The following ATP6V1C2 variants were observed in gnomAD, a reference collection of about 807,000 sequenced individuals.
ATP6V1C2 encodes ATPase H+ transporting V1 subunit C2, also known as V-type proton ATPase subunit C 2.
A neutral mutation model predicts 56.8 loss-of-function variants in ATP6V1C2; 45 were observed. The ratio of observed to expected loss-of-function variants is 0.79; its 90% CI spans 0.62 to 1.02. The LOEUF (loss-of-function observed/expected upper bound fraction) is 1.02, where lower values mean the gene tolerates loss of function less well. ATP6V1C2 is among the 50% of genes least tolerant of loss of function. The pLI, the probability that ATP6V1C2 is intolerant of heterozygous loss-of-function variation, is 0.00. For synonymous variants in ATP6V1C2, 220 were observed against 201.3 expected, an observed-to-expected ratio of 1.09 and a Z score of -0.79; for missense variants, 463 against 519.7, an observed-to-expected ratio of 0.89 and a Z score of 1.06.
intron 3 of ATP6V1C2, among the ~76,000 whole-genome samples, chr2:10,742,279 A>C (rs897567275): frequency 6.6e-6 from 1 of 152,160 alleles, no homozygotes; most frequent in Non-Finnish European, 1.5e-5. Context: ...AAATCCAGGG[A>C]GGGAGAAAGC....
chr2:10,752,157 C>T (rs1032081226), intron 3 of ATP6V1C2, among the ~76,000 whole-genome samples: 1 of 152,100 alleles, frequency 6.6e-6, no homozygotes, highest in African/African-American at 2.4e-5. Context: ...AAATGTGTTC[C>T]CTCTTGGGTG....
At chr2:10,726,678 T>G in intron 3 of ATP6V1C2, 109 bp downstream of exon 3, 1 of 1,040,262 alleles carries the variant, frequency 9.6e-7, no homozygotes, top group Non-Finnish European at 1.5e-6. Flanking sequence ...CTAGACCTGG[T>G]TCCAAAAGTG....
chr2:10,726,358 A>G, intron 2 of ATP6V1C2, 144 bp from the exon 3 acceptor site: 1 of 682,996 alleles, frequency 1.5e-6, no homozygotes, highest in Non-Finnish European at 2.6e-6. Context: ...GTTTCCATTA[A>G]GAGTTTTTTC....
rs369946776 is a variant in ATP6V1C2, at chr2:10,768,760, C to T, written c.420C>T (p.Ala140=). Residue 140 remains alanine (A), a synonymous_variant, in exon 6 of 14, where the codon GCC becomes GCT. Coordinates refer to ENST00000272238, the MANE Select transcript of ATP6V1C2 (RefSeq NM_001039362.2). The part of the protein sequence containing the change: ...QIEMDLKSRT[A]AYNTLKTNLE... Reference sequence around the variant, plus strand: ...AGATGGACCTGAAGTCCCGAACGGCCGCCTACAACACTCTGAAGACAAACC... The same window carrying T: ...AGATGGACCTGAAGTCCCGAACGGCTGCCTACAACACTCTGAAGACAAACC... 72 of 1,614,000 alleles carry T rather than the reference C, an allele frequency of 4.5e-5. No homozygotes were observed. Among genetic ancestry groups the T allele is most frequent in the Middle Eastern group, 1.6e-4 (1 of 6,062 alleles).
intron 13 of ATP6V1C2, 46 bp from the exon 14 acceptor site, chr2:10,783,128 G>GAAACT: frequency 6.8e-7 from 1 of 1,475,818 alleles, no homozygotes; most frequent in South Asian, 1.1e-5. Context: ...GATAAGACAG[G>GAAACT]AAACTAGTTT....
intron 10 of ATP6V1C2, among the ~76,000 whole-genome samples, chr2:10,776,281 G>A (rs1664972671): frequency 1.4e-5 from 2 of 141,098 alleles, no homozygotes; most frequent in Non-Finnish European, 3.1e-5. Flanking sequence ...GTGTGTGTGT[G>A]CGCGCGCACG....
intron 4 of ATP6V1C2, among the ~76,000 whole-genome samples, chr2:10,757,816 T>A (rs114801736): frequency 0.012 from 1,778 of 152,316 alleles, 29 homozygotes; most frequent in African/African-American, 0.041. Context: ...CCGTCTGTTT[T>A]ATGGACACTG....
intron 3 of ATP6V1C2, among the ~76,000 whole-genome samples, chr2:10,751,246 TCTC>T (rs1282878465): frequency 2.0e-5 from 3 of 151,824 alleles, no homozygotes; most frequent in South Asian, 2.1e-4. Context: ...CTCCTTCTGA[TCTC>T]CTGCCAAATC....
At chr2:10,723,306 G>A (rs183763017) in intron 2 of ATP6V1C2, among the ~76,000 whole-genome samples, 7 of 152,276 alleles carry the variant, frequency 4.6e-5, no homozygotes, top group Admixed American at 4.6e-4. Context: ...TGTTCCTCTG[G>A]CTCCTCCTGG....
chr2:10,721,473 C>T (rs1244324229), upstream of ATP6V1C2, among the ~76,000 whole-genome samples: 1 of 152,154 alleles, frequency 6.6e-6, no homozygotes, highest in African/African-American at 2.4e-5. Flanking sequence ...TGCGCGTCTC[C>T]TCCGCGCCTT....
chr2:10,750,919 CGCATAGTAGTTGTTAGTGCTTGGT>C (rs1451400232), intron 3 of ATP6V1C2, among the ~76,000 whole-genome samples: 16 of 152,032 alleles, frequency 1.1e-4, no homozygotes, highest in African/African-American at 3.6e-4. Context: ...TAGTGCTTGG[CGCATAGTAGTTGTTAGTGCTTGGT>C]ACATAGTAGT....
chr2:10,749,068 T>A (rs1203826173), intron 3 of ATP6V1C2, among the ~76,000 whole-genome samples: 2 of 137,408 alleles, frequency 1.5e-5, no homozygotes, highest in African/African-American at 5.6e-5. Flanking sequence ...AGATGGAGGT[T>A]GCAGTGAGCC....
At chr2:10,781,096 G>A (rs935597862) in intron 12 of ATP6V1C2, among the ~76,000 whole-genome samples, 5 of 152,136 alleles carry the variant, frequency 3.3e-5, no homozygotes, top group Non-Finnish European at 7.4e-5. Flanking sequence ...CAGGACGGGT[G>A]CCACAGAGAC....
At chr2:10,738,369 G>C (rs1037654859) in intron 3 of ATP6V1C2, among the ~76,000 whole-genome samples, 22 of 152,160 alleles carry the variant, frequency 1.4e-4, no homozygotes. Context: ...TATCAAACCA[G>C]AAGTCCAGCC....
intron 10 of ATP6V1C2, 147 bp from the exon 11 acceptor site, chr2:10,777,438 C>A: frequency 1.0e-6 from 1 of 985,874 alleles, no homozygotes. Context: ...GCACCTACCA[C>A]ATCTCTAGTC....
intron 4 of ATP6V1C2, 25 bp downstream of exon 4, chr2:10,754,091 G>A: frequency 6.4e-7 from 1 of 1,571,574 alleles, no homozygotes; most frequent in Non-Finnish European, 8.7e-7. Context: ...CCTCTGATGT[G>A]GAGCACAATC....
At chr2:10,771,434 G>A (rs1462590670) in intron 6 of ATP6V1C2, among the ~76,000 whole-genome samples, 2 of 152,230 alleles carry the variant, frequency 1.3e-5, no homozygotes, top group Non-Finnish European at 2.9e-5. Context: ...ACGGCTCAAC[G>A]CAGCCCTAAG....
intron 4 of ATP6V1C2, among the ~76,000 whole-genome samples, chr2:10,757,117 A>T (rs1487147364): frequency 6.8e-6 from 1 of 146,872 alleles, no homozygotes; most frequent in Non-Finnish European, 1.5e-5. Context: ...GGTTCAAGCA[A>T]GTCTCCTGCC....
At chr2:10,772,308 GC>G in intron 7 of ATP6V1C2, among the ~76,000 whole-genome samples, 1 of 152,256 alleles carries the variant, frequency 6.6e-6, no homozygotes, top group Admixed American at 6.5e-5. Flanking sequence ...TTATTAGCGA[GC>G]CCCAAGTGTA....
Sources: allele counts gnomAD v4.1 joint callset (sites outside exome capture counted in the v4.1 genomes callset), GRCh38; gene constraint gnomAD v4.1.1; transcripts MANE v1.5; gene names NCBI Gene and HGNC (gene_info 2026-07-23, HGNC 2026-07-21).